BMPR1A: variants seen among roughly 807,000 people sequenced by gnomAD.
The protein encoded by BMPR1A is bone morphogenetic protein receptor type-1A.
BMPR1A carries 7 observed loss-of-function variants against 66.0 expected under a neutral mutation model. The observed-to-expected ratio is 0.11, with a 90% CI of 0.06 to 0.20. The LOEUF is 0.20. BMPR1A is among the 10% of genes least tolerant of loss of function. The probability of loss-of-function intolerance (pLI) is 1.00; values close to 1 mark genes in which losing one functional copy is unlikely to be tolerated. For synonymous variants in BMPR1A, 200 were observed against 229.7 expected (o/e 0.87, Z 1.17); for missense variants, 408 against 669.1 (o/e 0.61, Z 4.31).
intron 7 of BMPR1A, among the ~76,000 whole-genome samples, chr10:86,902,263 T>TTTTAA (rs1329250163): frequency 1.3e-5 from 2 of 152,226 alleles, no homozygotes; most frequent in Non-Finnish European, 2.9e-5. Context: ...TTGGGGGGCC[T>TTTTAA]GTTTTTCCAT....
chr10:86,804,649 G>A (rs1236001515), intron 1 of BMPR1A, among the ~76,000 whole-genome samples: 1 of 152,082 alleles, frequency 6.6e-6, no homozygotes, highest in Non-Finnish European at 1.5e-5. Flanking sequence ...TGCAAGGTTG[G>A]TGTTTGATGA....
At chr10:86,778,918 A>G (rs1241807305) in intron 1 of BMPR1A, among the ~76,000 whole-genome samples, 2 of 136,306 alleles carry the variant, frequency 1.5e-5, no homozygotes, top group East Asian at 2.2e-4. Flanking sequence ...GATTTTATTT[A>G]TGTATTTTCT....
intron 2 of BMPR1A, among the ~76,000 whole-genome samples, chr10:86,874,709 C>CTTTTTTTTTT (rs200991488): frequency 1.1e-5 from 1 of 92,432 alleles, no homozygotes; most frequent in Admixed American, 1.1e-4. Flanking sequence ...ACCCGACCTT[C>CTTTTTTTTTT]TTTTTTTTTT....
At position 86,851,516 on chromosome 10, in the gene BMPR1A, T is replaced by C. The variant is rs150338213; in HGVS notation, c.-153+12537T>C. Among the ~76,000 whole-genome samples, 597 of 152,286 alleles carry C rather than the reference T, an allele frequency of 3.9e-3. 7 individuals carry two copies. The highest frequency in any genetic ancestry group is 0.014 in the African/African-American group (567 of 41,554). On this transcript the variant is annotated intron_variant, in intron 2 of 12. Transcript: ENST00000372037. ...CATAACCAAGTCATCATTAAGTCAT[T>C]TTTGAGTGAACATTGCTCAAGATCT...
At chr10:86,905,214 C>T (rs1169271379) in intron 7 of BMPR1A, among the ~76,000 whole-genome samples, 2 of 152,190 alleles carry the variant, frequency 1.3e-5, no homozygotes, top group African/African-American at 4.8e-5. Context: ...TATACCTTCT[C>T]TAAAACCTTA....
intron 1 of BMPR1A, among the ~76,000 whole-genome samples, chr10:86,797,504 T>C (rs944732268): frequency 6.6e-6 from 1 of 152,040 alleles, no homozygotes; most frequent in Admixed American, 6.6e-5. Flanking sequence ...GTGTTGGGAT[T>C]ACAGGCATGA....
At chr10:86,918,627 C>CTTT (rs71802648) in intron 9 of BMPR1A, among the ~76,000 whole-genome samples, 1 of 141,448 alleles carries the variant, frequency 7.1e-6, no homozygotes, top group African/African-American at 2.6e-5. Flanking sequence ...CTTTTCTTTT[C>CTTT]TTTTTTTTTT....
At chr10:86,782,063 A>G (rs969754519) in intron 1 of BMPR1A, among the ~76,000 whole-genome samples, 1 of 151,336 alleles carries the variant, frequency 6.6e-6, no homozygotes, top group South Asian at 2.1e-4. Flanking sequence ...GGGTTTCACT[A>G]CGTTGGTCAG....
rs200647478 is a variant in BMPR1A at position 86,835,249 on chromosome 10, G to GAA, written c.-267-3603_-267-3602dup. 2.1e-3 allele frequency among the ~76,000 whole-genome samples: 244 copies of GAA among 117,378 alleles called. 4 individuals carry two copies. Among genetic ancestry groups the GAA allele is most frequent in the Middle Eastern group, 0.014 (3 of 214 alleles). 77.0% of individuals were successfully genotyped at this position (117,378 alleles called of 152,430 possible). On this transcript the variant is annotated intron_variant, in intron 1 of 12. Transcript: ENST00000372037. ...GACCCTGTCTTTAAAAAGAAAAAAA[G>GAA]AAAAAAAAAAAAAACAGAAAAAAAA...
rs1443740118 is a variant in BMPR1A, at chr10:86,756,860, G to C, written c.-327G>C. ...GATTCGGGCCCCACTTCGCCCCGGCGGCTCGCCGCGCCCACCCGCTCCGCG... is the reference window on the plus strand; with the variant it reads ...GATTCGGGCCCCACTTCGCCCCGGCCGCTCGCCGCGCCCACCCGCTCCGCG... On this transcript the variant is annotated 5_prime_UTR_variant, in exon 1 of 13. Transcript: ENST00000372037. The C allele has an allele frequency of 6.6e-6, 1 of 151,820 alleles. No homozygotes were observed. Among genetic ancestry groups the C allele is most frequent in the East Asian group, 1.9e-4 (1 of 5,154 alleles). The allele number at this position is 151,820 out of a possible 1,614,324, so 9.4% of individuals were successfully genotyped here.
At chr10:86,847,775 C>T (rs1412634357) in intron 2 of BMPR1A, among the ~76,000 whole-genome samples, 1 of 151,938 alleles carries the variant, frequency 6.6e-6, no homozygotes, top group Non-Finnish European at 1.5e-5. Flanking sequence ...CTTTTAGTCC[C>T]TCTTCCCCAC....
At chr10:86,801,822 C>G (rs1002707318) in intron 1 of BMPR1A, among the ~76,000 whole-genome samples, 5 of 152,196 alleles carry the variant, frequency 3.3e-5, no homozygotes, top group South Asian at 2.1e-4. Context: ...ACGCCATTCT[C>G]CTGCCTCAGA....
At chr10:86,787,761 A>G (rs548281831) in intron 1 of BMPR1A, among the ~76,000 whole-genome samples, 1 of 152,302 alleles carries the variant, frequency 6.6e-6, no homozygotes, top group East Asian at 1.9e-4. Flanking sequence ...TCATGGCAGA[A>G]GGGGAAGAGG....
chr10:86,772,549 C>T (rs562013937), intron 1 of BMPR1A, among the ~76,000 whole-genome samples: 61 of 152,110 alleles, frequency 4.0e-4, no homozygotes, highest in Non-Finnish European at 7.2e-4. Context: ...TAAATTAAAA[C>T]CTACCCTGTG....
At chr10:86,833,160 T>G (rs1842296379) in intron 1 of BMPR1A, among the ~76,000 whole-genome samples, 1 of 152,158 alleles carries the variant, frequency 6.6e-6, no homozygotes, top group Non-Finnish European at 1.5e-5. Context: ...AGTGACTGCA[T>G]CATTTTACAG....
intron 1 of BMPR1A, among the ~76,000 whole-genome samples, chr10:86,771,284 G>A: frequency 6.6e-6 from 1 of 152,254 alleles, no homozygotes; most frequent in Non-Finnish European, 1.5e-5. Flanking sequence ...TAGTGTTTGA[G>A]ATTTTGAATT....
intron 1 of BMPR1A, among the ~76,000 whole-genome samples, chr10:86,783,319 G>GT (rs1841464762): frequency 6.6e-6 from 1 of 152,136 alleles, no homozygotes; most frequent in African/African-American, 2.4e-5. Context: ...AGGTTGTTTT[G>GT]GCTATTTGGG....
At chr10:86,826,471 T>G (rs1589734353) in intron 1 of BMPR1A, among the ~76,000 whole-genome samples, 1 of 151,358 alleles carries the variant, frequency 6.6e-6, no homozygotes, top group South Asian at 2.1e-4. Context: ...TTCTTTAGTT[T>G]CCTTTACTTT....
At chr10:86,905,164 T>C (rs1843368167) in intron 7 of BMPR1A, among the ~76,000 whole-genome samples, 1 of 152,224 alleles carries the variant, frequency 6.6e-6, no homozygotes, top group Admixed American at 6.5e-5. Context: ...AATTTATTCT[T>C]CAGTCTCATT....
Sources: allele counts gnomAD v4.1 joint callset (sites outside exome capture counted in the v4.1 genomes callset), GRCh38; gene constraint gnomAD v4.1.1; transcripts MANE v1.5; gene names NCBI Gene and HGNC (gene_info 2026-07-23, HGNC 2026-07-21).